Variants in CLMN observed in about 807,000 individuals in gnomAD.
The protein encoded by CLMN is calmin (calponin-like, transmembrane).
In CLMN, 57 loss-of-function variants were observed where a neutral mutation model predicts 92.7. The ratio of observed to expected loss-of-function variants is 0.61; its 90% CI spans 0.50 to 0.77. CLMN has a LOEUF of 0.77. CLMN is among the 30% of genes least tolerant of loss of function. CLMN has a pLI of 0.00. For synonymous variants in CLMN, 466 were observed against 470.6 expected, an observed-to-expected ratio of 0.99 and a Z score of 0.13; for missense variants, 1,158 against 1,237.5, an observed-to-expected ratio of 0.94 and a Z score of 0.96.
chr14:95,219,476 G>T (rs1201674089), intron 4 of CLMN, among the ~76,000 whole-genome samples: 1 of 152,228 alleles, frequency 6.6e-6, no homozygotes, highest in East Asian at 1.9e-4. Flanking sequence ...GGGTGACGCA[G>T]TGAGAGCTGG....
intron 12 of CLMN, chr14:95,193,446 CA>C (rs1896611092): frequency 7.3e-7 from 1 of 1,364,570 alleles, no homozygotes; most frequent in Non-Finnish European, 1.0e-6. Flanking sequence ...GGACAGGCGT[CA>C]GGGGCTACAG....
intron 1 of CLMN, among the ~76,000 whole-genome samples, 198 bp from the exon 2 acceptor site, chr14:95,230,331 G>A (rs1216700423): frequency 1.3e-5 from 2 of 152,198 alleles, no homozygotes; most frequent in Non-Finnish European, 2.9e-5. Context: ...CCCAACCCCT[G>A]AGCATCTATG....
intron 1 of CLMN, among the ~76,000 whole-genome samples, chr14:95,245,591 GAT>G (rs1898520521): frequency 6.7e-6 from 1 of 148,474 alleles, no homozygotes; most frequent in Non-Finnish European, 1.5e-5. Flanking sequence ...TGGGTGGGTG[GAT>G]GGATGGATGA....
At chr14:95,237,894 C>G (rs1898110224) in intron 1 of CLMN, among the ~76,000 whole-genome samples, 3 of 152,334 alleles carry the variant, frequency 2.0e-5, no homozygotes, top group Middle Eastern at 6.8e-3. Flanking sequence ...CTCCATGGCT[C>G]AGATTCTTTC....
rs561415984 is a variant in CLMN at position 95,269,833 on chromosome 14, T to C, written c.83-39700A>G. On this transcript the variant is annotated intron_variant, in intron 1 of 12. Coordinates refer to ENST00000298912, the MANE Select transcript of CLMN (RefSeq NM_024734.4). ...ACTGGAATGGGAGGTAAGGGGTGTGTGTCCTCTCCGGCCTGGCCCCTGCAC... is the reference window on the plus strand; with the variant it reads ...ACTGGAATGGGAGGTAAGGGGTGTGCGTCCTCTCCGGCCTGGCCCCTGCAC... 2.0e-5 allele frequency among the ~76,000 whole-genome samples: 3 copies of C among 152,286 alleles called. No individual in the cohort carries two copies. In the South Asian group the frequency reaches 6.2e-4, roughly 32 times the overall value.
At chr14:95,289,535 G>A (rs797003351) in intron 1 of CLMN, among the ~76,000 whole-genome samples, 202 of 151,796 alleles carry the variant, frequency 1.3e-3, no homozygotes, top group African/African-American at 4.8e-3. Flanking sequence ...AAAAACCGTT[G>A]TTCTACATCC....
intron 1 of CLMN, among the ~76,000 whole-genome samples, chr14:95,248,041 C>A (rs559281010): frequency 6.6e-6 from 1 of 151,814 alleles, no homozygotes; most frequent in Non-Finnish European, 1.5e-5. Context: ...TTTAATGGTG[C>A]TCTCATGGGT....
chr14:95,238,137 C>A (rs1440000586), intron 1 of CLMN, among the ~76,000 whole-genome samples: 2 of 152,176 alleles, frequency 1.3e-5, no homozygotes, highest in East Asian at 3.9e-4. Flanking sequence ...CCAGCCCCAA[C>A]GCTGCCGACT....
chr14:95,279,587 T>A (rs927527280), intron 1 of CLMN, among the ~76,000 whole-genome samples: 1 of 152,170 alleles, frequency 6.6e-6, no homozygotes, highest in African/African-American at 2.4e-5. Context: ...ATCGAGACCA[T>A]CCTGGCTAAC....
chr14:95,299,308 G>A (rs1296540488), intron 1 of CLMN, among the ~76,000 whole-genome samples: 2 of 152,168 alleles, frequency 1.3e-5, no homozygotes, highest in African/African-American at 2.4e-5. Flanking sequence ...ACCATTCTGG[G>A]CTCTTCAGTG....
chr14:95,319,887 G>A lies in CLMN; in HGVS notation c.-95C>T, dbSNP rs1347725688. On this transcript the variant is annotated 5_prime_UTR_variant, in exon 1 of 13. Coordinates refer to ENST00000298912, the MANE Select transcript of CLMN (RefSeq NM_024734.4). The stretch of plus-strand genomic sequence containing the variant: ...GCGCGAGCGGCACGCACCCGGCGAG[G>A]GCGCCGCGGAGCTGGAGTCGCGGCG... The A allele has an allele frequency of 5.4e-6, 3 of 557,284 alleles. No individual in the cohort carries two copies. The African/African-American group carries it at 8.2e-5, about 15-fold the overall frequency. 34.5% of individuals were successfully genotyped at this position (557,284 alleles called of 1,614,324 possible). A position where few individuals can be genotyped will look rare whatever the true frequency, so the allele number is the denominator to read the frequency against.
intron 10 of CLMN, among the ~76,000 whole-genome samples, chr14:95,195,811 A>AC (rs1405278755): frequency 7.5e-4 from 3 of 3,996 alleles, no homozygotes; most frequent in Non-Finnish European, 3.8e-3. Flanking sequence ...TGTGACGATG[A>AC]GAGAGGGGAG....
Position 95,204,467 on chromosome 14 carries a change from CA to C in CLMN, c.886-5del, listed in dbSNP as rs5810715. On this transcript the variant is annotated splice_region_variant and splice_polypyrimidine_tract_variant and intron_variant, in intron 8 of 12. Coordinates refer to ENST00000298912, the MANE Select transcript of CLMN (RefSeq NM_024734.4). The stretch of plus-strand genomic sequence containing the variant: ...TATCTGAATCGAAAATATCTTCCTG[CA>C]AAAAAAAACAAAAACAAACAAACAA... The C allele has an allele frequency of 7.5e-5, 104 of 1,382,588 alleles. No individual in the cohort carries two copies. Among genetic ancestry groups the C allele is most frequent in the South Asian group, 2.0e-4 (13 of 65,850 alleles). The allele number at this position is 1,382,588 out of a possible 1,614,324, so 85.6% of individuals were successfully genotyped here.
intron 10 of CLMN, 113 bp downstream of exon 10, chr14:95,196,385 C>T: frequency 9.7e-7 from 1 of 1,034,934 alleles, no homozygotes; most frequent in South Asian, 1.7e-5. Flanking sequence ...AGCTGTATTT[C>T]CCTTGCTGTC....
chr14:95,278,014 C>T (rs1450950237), intron 1 of CLMN, among the ~76,000 whole-genome samples: 1 of 152,202 alleles, frequency 6.6e-6, no homozygotes, highest in South Asian at 2.1e-4. Context: ...GTGACCTTTG[C>T]CATTTACTGA....
At chr14:95,286,104 ATTAT>A (rs1159350941) in intron 1 of CLMN, among the ~76,000 whole-genome samples, 1 of 152,192 alleles carries the variant, frequency 6.6e-6, no homozygotes, top group African/African-American at 2.4e-5. Flanking sequence ...TATTAAGGAT[ATTAT>A]TAATTATTTC....
chr14:95,271,170 G>A (rs911608425), intron 1 of CLMN, among the ~76,000 whole-genome samples: 4 of 152,068 alleles, frequency 2.6e-5, no homozygotes, highest in African/African-American at 4.8e-5. Context: ...TATCTATTAC[G>A]GAGATGCAAG....
intron 1 of CLMN, among the ~76,000 whole-genome samples, chr14:95,242,186 C>A (rs34349284): frequency 6.8e-6 from 1 of 147,100 alleles, no homozygotes; most frequent in South Asian, 2.2e-4. Flanking sequence ...GGGTCCCATT[C>A]TAGACTAAGT....
chr14:95,272,823 C>T (rs147077573), intron 1 of CLMN, among the ~76,000 whole-genome samples: 2 of 152,148 alleles, frequency 1.3e-5, no homozygotes, highest in East Asian at 1.9e-4. Flanking sequence ...CAAGGGAAAA[C>T]GTTGGGGCCA....
Sources: allele counts gnomAD v4.1 joint callset (sites outside exome capture counted in the v4.1 genomes callset), GRCh38; gene constraint gnomAD v4.1.1; transcripts MANE v1.5; gene names NCBI Gene and HGNC (gene_info 2026-07-23, HGNC 2026-07-21).